The following SDC3 variants were observed in gnomAD, a reference collection of about 807,000 sequenced individuals.
SDC3 encodes syndecan-3.
Under a neutral mutation model 24.4 loss-of-function variants are expected in SDC3, and 13 were observed. The ratio of observed to expected loss-of-function variants is 0.53; its 90% CI spans 0.35 to 0.85. The LOEUF is 0.85. Ranked by LOEUF, SDC3 falls within the 40% of genes least tolerant of loss-of-function variation. The probability of loss-of-function intolerance (pLI) is 0.01; values close to 1 mark genes in which losing one functional copy is unlikely to be tolerated. For synonymous variants in SDC3, 295 were observed against 260.9 expected, an observed-to-expected ratio of 1.13 and a Z score of -1.26; for missense variants, 571 against 584.5, an observed-to-expected ratio of 0.98 and a Z score of 0.24.
chr1:30,877,151 A>T lies in SDC3; in HGVS notation c.271T>A (p.Ser91Thr). 6.2e-7 allele frequency: 1 copy of T among 1,611,604 alleles called. No individual in the cohort carries two copies. Among genetic ancestry groups the T allele is most frequent in the Non-Finnish European group, 8.5e-7 (1 of 1,179,532 alleles). ...AAGCGCATGGCTGTCTCAATGCCCG[A>T]CTCCTGCTCGAAGTCTGAGGGGGTG... ...GSGSGYFEQE[S>T]GIETAMRFSP... The change falls in exon 3 of 5, where the codon TCG becomes ACG. Residue 91 changes from serine (S) to threonine (T), a missense_variant. Physicochemically the swap from Ser to Thr is moderately conservative, Grantham distance 58. This residue lies in a region of SDC3 where 497 missense variants were observed against 471.6 expected (regional missense o/e 1.05). Coordinates refer to ENST00000339394, the MANE Select transcript of SDC3 (RefSeq NM_014654.4).
At chr1:30,899,953 G>A (rs1638380207) in intron 1 of SDC3, among the ~76,000 whole-genome samples, 1 of 152,240 alleles carries the variant, frequency 6.6e-6, no homozygotes, top group Non-Finnish European at 1.5e-5. Flanking sequence ...AGGCGCCCAT[G>A]CAGGAGCCCA....
rs1639518749 is a variant in SDC3 at position 30,870,731 on chromosome 1, G to C, written c.*2480C>G. 1 of 152,554 alleles carries C rather than the reference G, an allele frequency of 6.6e-6. No individual in the cohort carries two copies. The highest frequency in any genetic ancestry group is 2.4e-5 in the African/African-American group (1 of 41,474). 9.5% of individuals were successfully genotyped at this position (152,554 alleles called of 1,614,324 possible). A position where few individuals can be genotyped will look rare whatever the true frequency, so the allele number is the denominator to read the frequency against. On this transcript the variant is annotated 3_prime_UTR_variant, in exon 5 of 5. Coordinates refer to ENST00000339394, the MANE Select transcript of SDC3 (RefSeq NM_014654.4). ...GCCCCAAATCAGAAGCCAACCCCTG[G>C]GATGTGAGGAGCCAGGCCTGCCGGG...
intron 3 of SDC3, among the ~76,000 whole-genome samples, chr1:30,875,513 G>A (rs1054634024): frequency 3.2e-4 from 49 of 152,164 alleles, no homozygotes; most frequent in African/African-American, 9.7e-4. Flanking sequence ...GCAGCGCCAC[G>A]GCCCAAGGGC....
At chr1:30,893,312 C>G (rs1031445312) in intron 1 of SDC3, among the ~76,000 whole-genome samples, 12 of 126,834 alleles carry the variant, frequency 9.5e-5, no homozygotes, top group African/African-American at 3.0e-4. Flanking sequence ...AGCCCCCCCC[C>G]CCCCCACCAT....
intron 1 of SDC3, among the ~76,000 whole-genome samples, chr1:30,899,300 T>C (rs566608070): frequency 6.6e-6 from 1 of 152,338 alleles, no homozygotes; most frequent in South Asian, 2.1e-4. Context: ...TTGGTCAGGC[T>C]GGTCTCGAAC....
At chr1:30,900,034 C>G (rs1479924774) in intron 1 of SDC3, among the ~76,000 whole-genome samples, 2 of 152,216 alleles carry the variant, frequency 1.3e-5, no homozygotes, top group Non-Finnish European at 2.9e-5. Flanking sequence ...TCTTCCTTTT[C>G]TACATAGACA....
At chr1:30,879,605 C>A (rs1639707738) in intron 1 of SDC3, among the ~76,000 whole-genome samples, 2 of 152,198 alleles carry the variant, frequency 1.3e-5, no homozygotes, top group Non-Finnish European at 2.9e-5. Context: ...CTCTGGCAAG[C>A]AGCCTGAAGT....
At chr1:30,878,834 G>A (rs1198127090) in intron 1 of SDC3, 94 bp from the exon 2 acceptor site, 2 of 917,146 alleles carry the variant, frequency 2.2e-6, no homozygotes, top group Non-Finnish European at 3.6e-6. Flanking sequence ...TGGGCTGAGT[G>A]ACATCCACGT....
In SDC3 at chr1:30,894,588, C is replaced by T. The variant is rs370074184; in HGVS notation, c.138+13861G>A. ...AGTGTGTGGGTGTATGTGTGGGCTA[C>T]GTGTGTGTGGGTGTGTGTGGATGAG... is the stretch of plus-strand genomic sequence containing the variant. On this transcript the variant is annotated intron_variant, in intron 1 of 4. Transcript: ENST00000339394. 7.8e-4 allele frequency among the ~76,000 whole-genome samples: 79 copies of T among 100,814 alleles called. No individual in the cohort carries two copies. The South Asian group carries it at 0.019, about 24-fold the overall frequency. The allele number at this position is 100,814 out of a possible 152,430, so 66.1% of individuals were successfully genotyped here.
rs1028458691 is a variant in SDC3 at position 30,871,719 on chromosome 1, C to T, written c.*1492G>A. 2 of 152,392 alleles carry T rather than the reference C, an allele frequency of 1.3e-5. No homozygotes were observed. Among genetic ancestry groups the T allele is most frequent in the African/African-American group, 4.8e-5 (2 of 41,462 alleles). 9.4% of individuals were successfully genotyped at this position (152,392 alleles called of 1,614,324 possible). On this transcript the variant is annotated 3_prime_UTR_variant, in exon 5 of 5. Transcript: ENST00000339394. ...GTGTCCTGGGAGGCAGAGTCAGCCC[C>T]CTAGCTCAAAGCAGGAAGGGGACAC...
intron 1 of SDC3, among the ~76,000 whole-genome samples, chr1:30,900,981 A>T (rs1557526378): frequency 6.6e-6 from 1 of 152,122 alleles, no homozygotes; most frequent in African/African-American, 2.4e-5. Context: ...TGTTATCCCC[A>T]GTCCCAGCTG....
At chr1:30,885,935 G>A (rs1639820535) in intron 1 of SDC3, among the ~76,000 whole-genome samples, 1 of 152,192 alleles carries the variant, frequency 6.6e-6, no homozygotes, top group African/African-American at 2.4e-5. Flanking sequence ...ACCCAGGGCT[G>A]GGACGCCTCC....
intron 1 of SDC3, among the ~76,000 whole-genome samples, chr1:30,888,480 A>C (rs7412502): frequency 0.6 from 91,737 of 152,022 alleles, 29,262 homozygotes; most frequent in African/African-American, 0.8. Context: ...GCAGGCCCAG[A>C]CCTTCCAGCT....
In SDC3 at chr1:30,870,154, G is replaced by A. The variant is rs41269511; in HGVS notation, c.*3057C>T. The A allele has an allele frequency of 8.0e-6, 3 of 374,656 alleles. No individual in the cohort carries two copies. Among genetic ancestry groups the A allele is most frequent in the African/African-American group, 2.1e-5 (1 of 48,240 alleles). The allele number at this position is 374,656 out of a possible 1,614,324, so 23.2% of individuals were successfully genotyped here. On this transcript the variant is annotated 3_prime_UTR_variant, in exon 5 of 5. Transcript: ENST00000339394. The stretch of plus-strand genomic sequence containing the variant: ...TGTGTCCAGGGGCCCCCACCAGGAG[G>A]CCTGACAGGCGGCTTTGCCAACCCC...
rs1041394253 is a variant in SDC3 at position 30,870,035 on chromosome 1, G to A, written c.*3176C>T. Reference sequence around the variant, plus strand: ...TTCTATTTACAGGCAAGAGGCCTGGGGAGGCAAGTCCAGGGTTGTAGTTGT... The same window carrying A: ...TTCTATTTACAGGCAAGAGGCCTGGAGAGGCAAGTCCAGGGTTGTAGTTGT... On this transcript the variant is annotated 3_prime_UTR_variant, in exon 5 of 5. Transcript: ENST00000339394. The A allele has an allele frequency of 1.5e-5, 6 of 397,618 alleles. No individual in the cohort carries two copies. Among genetic ancestry groups the A allele is most frequent in the Non-Finnish European group, 2.2e-5 (5 of 226,084 alleles). 24.6% of individuals were successfully genotyped at this position (397,618 alleles called of 1,614,324 possible). A position where few individuals can be genotyped will look rare whatever the true frequency, so the allele number is the denominator to read the frequency against.
chr1:30,877,406 C>G (rs1398410913), intron 2 of SDC3: 1 of 616,540 alleles, frequency 1.6e-6, no homozygotes, highest in African/African-American at 1.9e-5. Flanking sequence ...TCCCGGGAAG[C>G]CTTCCTTGAC....
upstream of SDC3, among the ~76,000 whole-genome samples, chr1:30,909,630 A>G (rs549357339): frequency 1.2e-4 from 19 of 152,144 alleles, no homozygotes; most frequent in Admixed American, 3.3e-4. Flanking sequence ...CCAAGTCTCC[A>G]ATGGCGTGTT....
intron 1 of SDC3, among the ~76,000 whole-genome samples, chr1:30,898,017 C>T (rs1638316982): frequency 6.6e-6 from 1 of 152,184 alleles, no homozygotes; most frequent in Non-Finnish European, 1.5e-5. Context: ...ACTCAAAGCC[C>T]ACCTTGTGAG....
At chr1:30,887,936 G>T (rs569118374) in intron 1 of SDC3, among the ~76,000 whole-genome samples, 2 of 152,234 alleles carry the variant, frequency 1.3e-5, no homozygotes, top group Non-Finnish European at 2.9e-5. Flanking sequence ...CCAAAATCCA[G>T]CCAGGAGGAC....
Sources: allele counts gnomAD v4.1 joint callset (sites outside exome capture counted in the v4.1 genomes callset), GRCh38; gene constraint gnomAD v4.1.1; regional missense constraint gnomAD v4.1.1; transcripts MANE v1.5; gene names NCBI Gene and HGNC (gene_info 2026-07-23, HGNC 2026-07-21).